The following PDE1C variants were observed in gnomAD, a reference collection of about 807,000 sequenced individuals.
The protein encoded by PDE1C is dual specificity calcium/calmodulin-dependent 3',5'-cyclic nucleotide phosphodiesterase 1C.
A neutral mutation model predicts 93.1 loss-of-function variants in PDE1C; 62 were observed. The observed-to-expected ratio is 0.67, with a 90% CI of 0.54 to 0.82. The LOEUF is 0.82. PDE1C is among the 40% of genes least tolerant of loss of function. The probability of loss-of-function intolerance (pLI) is 0.00; values close to 1 mark genes in which losing one functional copy is unlikely to be tolerated. For synonymous variants in PDE1C, 325 were observed against 310.1 expected (o/e 1.05, Z -0.50); for missense variants, 742 against 884.6 (o/e 0.84, Z 2.04).
chr7:31,877,863 A>C lies in PDE1C; in HGVS notation c.492+107T>G, dbSNP rs1796784480. On this transcript the variant is annotated intron_variant, in intron 5 of 17. Transcript: ENST00000396191. ...AGATAATGAAAGAATAAAGTCAGGA[A>C]TAACTGGAAAAGTAACTGTAAATGA... 4 of 682,272 alleles carry C rather than the reference A, an allele frequency of 5.9e-6. No individual in the cohort carries two copies. In the East Asian group the frequency reaches 1.1e-4, roughly 19 times the overall value. 42.3% of individuals were successfully genotyped at this position (682,272 alleles called of 1,614,324 possible).
At chr7:32,402,400 A>G (rs540856365) in intron 1 of PDE1C, among the ~76,000 whole-genome samples, 3 of 152,078 alleles carry the variant, frequency 2.0e-5, no homozygotes, top group African/African-American at 4.8e-5. Context: ...AGCTGATAGC[A>G]TAAGTCCCAG....
At chr7:31,804,930 A>C (rs1324546710) in intron 16 of PDE1C, among the ~76,000 whole-genome samples, 2 of 151,812 alleles carry the variant, frequency 1.3e-5, no homozygotes, top group African/African-American at 2.4e-5. Context: ...CTGTGTCCCC[A>C]CCCAAATCTC....
intron 3 of PDE1C, among the ~76,000 whole-genome samples, chr7:32,128,906 AATATATATATATATATATATATATATAT>A (rs763801947): frequency 5.4e-4 from 30 of 56,010 alleles, no homozygotes; most frequent in South Asian, 2.8e-3. Context: ...AAGTATAACA[AATATATATATATATATATATATATATAT>A]ATATATATAT....
In PDE1C at chr7:32,030,483, C is replaced by T. The variant is rs75819438; in HGVS notation, c.128+21071G>A. 7.2e-5 allele frequency among the ~76,000 whole-genome samples: 11 copies of T among 152,056 alleles called. No individual in the cohort carries two copies. The East Asian group carries it at 2.1e-3, about 29-fold the overall frequency. On this transcript the variant is annotated intron_variant, in intron 2 of 17. Transcript: ENST00000396191. Reference sequence around the variant, plus strand: ...TTGGTTATTTTTTAAAAAATTAGATCGCTGAAAATCTTCTCATGAAAAACT... The same window carrying T: ...TTGGTTATTTTTTAAAAAATTAGATTGCTGAAAATCTTCTCATGAAAAACT...
intron 1 of PDE1C, among the ~76,000 whole-genome samples, chr7:32,418,463 C>T (rs948854990): frequency 2.0e-5 from 3 of 152,076 alleles, no homozygotes; most frequent in East Asian, 1.9e-4. Flanking sequence ...TAAATGTTAA[C>T]GTCTATTGTT....
At chr7:31,860,199 GC>G (rs1462452756) in intron 7 of PDE1C, among the ~76,000 whole-genome samples, 1 of 152,158 alleles carries the variant, frequency 6.6e-6, no homozygotes, top group Non-Finnish European at 1.5e-5. Flanking sequence ...TGGGACAATT[GC>G]CCCTCCAACC....
intron 17 of PDE1C, among the ~76,000 whole-genome samples, chr7:31,762,495 A>G (rs1397956674): frequency 6.6e-6 from 1 of 152,056 alleles, no homozygotes; most frequent in African/African-American, 2.4e-5. Context: ...GCATCCCACC[A>G]TGCCTAGATA....
chr7:32,384,659 C>A (rs761340217), intron 1 of PDE1C, among the ~76,000 whole-genome samples: 1 of 152,050 alleles, frequency 6.6e-6, no homozygotes, highest in African/African-American at 2.4e-5. Flanking sequence ...GCTTAAAGGG[C>A]TACATGGGGT....
intron 2 of PDE1C, among the ~76,000 whole-genome samples, chr7:32,039,240 T>C (rs187990929): frequency 4.9e-4 from 75 of 152,258 alleles, no homozygotes; most frequent in Non-Finnish European, 9.6e-4. Context: ...TCAGTAAAGA[T>C]AGTACTATTA....
intron 1 of PDE1C, among the ~76,000 whole-genome samples, chr7:32,069,271 G>T (rs1195180355): frequency 6.6e-6 from 1 of 152,142 alleles, no homozygotes; most frequent in African/African-American, 2.4e-5. Context: ...TTTTGTTTGT[G>T]TGTGTGCTTT....
chr7:32,342,902 A>C (rs578207380), intron 1 of PDE1C, among the ~76,000 whole-genome samples: 1 of 152,292 alleles, frequency 6.6e-6, no homozygotes, highest in South Asian at 2.1e-4. Context: ...GTGCTTGTTT[A>C]TTTGTAAGCG....
At chr7:32,099,765 A>G (rs1219592176) in intron 3 of PDE1C, among the ~76,000 whole-genome samples, 1 of 152,136 alleles carries the variant, frequency 6.6e-6, no homozygotes, top group Non-Finnish European at 1.5e-5. Flanking sequence ...ATGCCTTTAC[A>G]TATGCTCTTT....
At chr7:32,110,686 A>G (rs1477264004) in intron 3 of PDE1C, among the ~76,000 whole-genome samples, 2 of 152,292 alleles carry the variant, frequency 1.3e-5, no homozygotes, top group East Asian at 3.9e-4. Flanking sequence ...GGTGGGAAGT[A>G]ACAACTGAGC....
At chr7:32,309,606 T>A (rs542072531) in intron 1 of PDE1C, among the ~76,000 whole-genome samples, 321 of 152,302 alleles carry the variant, frequency 2.1e-3, no homozygotes, top group Non-Finnish European at 3.0e-3. Flanking sequence ...AACATTCTTA[T>A]AGAAAAGAAT....
chr7:31,661,699 A>T, the PDE1C span, among the ~76,000 whole-genome samples: 1 of 152,196 alleles, frequency 6.6e-6, no homozygotes, highest in Non-Finnish European at 1.5e-5. Flanking sequence ...GGGCAACAAG[A>T]GTGAAACTCC....
intron 2 of PDE1C, among the ~76,000 whole-genome samples, chr7:31,957,609 T>A (rs938910509): frequency 7.2e-5 from 11 of 152,218 alleles, no homozygotes; most frequent in Non-Finnish European, 1.5e-4. Flanking sequence ...TTCTTTTTTT[T>A]ATATATCAAC....
rs560345535 is a variant in PDE1C, at chr7:31,768,920, T to C, written c.1960+6744A>G. On this transcript the variant is annotated intron_variant, in intron 17 of 17. Transcript: ENST00000396191. ...AAGCAATTCTCCTGCCTCAACTTCC[T>C]GAGTAGCCGGGACCACAGGCACGTG... Among the ~76,000 whole-genome samples the C allele has an allele frequency of 2.6e-5, 4 of 152,206 alleles. No homozygotes were observed. The East Asian group carries it at 7.7e-4, about 29-fold the overall frequency.
the PDE1C span, among the ~76,000 whole-genome samples, chr7:31,625,636 G>T: frequency 8.6e-5 from 13 of 152,016 alleles, no homozygotes; most frequent in Non-Finnish European, 1.8e-4. Context: ...GTGGGAGGAG[G>T]GGGGAGGGAT....
chr7:31,732,800 A>G, the PDE1C span, among the ~76,000 whole-genome samples: 1 of 152,074 alleles, frequency 6.6e-6, no homozygotes, highest in South Asian at 2.1e-4. Flanking sequence ...ATAATGGTAA[A>G]CTGTAACCCA....
Sources: allele counts gnomAD v4.1 joint callset (sites outside exome capture counted in the v4.1 genomes callset), GRCh38; gene constraint gnomAD v4.1.1; transcripts MANE v1.5; gene names NCBI Gene and HGNC (gene_info 2026-07-23, HGNC 2026-07-21).